Variants in SPRR2G observed in about 807,000 individuals in gnomAD.
SPRR2G encodes small proline rich protein 2G, also known as small proline-rich protein 2G.
Under a neutral mutation model 0.7 loss-of-function variants are expected in SPRR2G, and 1 was observed. That is an observed-to-expected ratio of 1.49 (90% confidence interval 0.53 to 7.06). The LOEUF (loss-of-function observed/expected upper bound fraction) is 7.06. Ranked by LOEUF, SPRR2G falls within the 30% of genes most tolerant of loss-of-function variation. The pLI, the probability that SPRR2G is intolerant of heterozygous loss-of-function variation, is 0.14. For synonymous variants in SPRR2G, 38 were observed against 33.9 expected (o/e 1.12, Z -0.42); for missense variants, 96 against 88.5 (o/e 1.09, Z -0.34).
At chr1:153,154,167 A>G (rs921959158), upstream of SPRR2G, among the ~76,000 whole-genome samples, 6 of 151,826 alleles carry the variant, frequency 4.0e-5, no homozygotes, top group Admixed American at 2.6e-4. Flanking sequence ...TTTAGAAAAG[A>G]AAGAAATTTA....
At chr1:153,196,906 T>G in the SPRR2G span, among the ~76,000 whole-genome samples, 1 of 152,108 alleles carries the variant, frequency 6.6e-6, no homozygotes, top group African/African-American at 2.4e-5. Flanking sequence ...GGTGATGGTG[T>G]CACAGGAGGA....
chr1:153,180,889 T>G, the SPRR2G span, among the ~76,000 whole-genome samples: 1 of 152,202 alleles, frequency 6.6e-6, no homozygotes, highest in Non-Finnish European at 1.5e-5. Flanking sequence ...CTTTATTATA[T>G]GTTTATTGGA....
At chr1:153,164,346 T>C in the SPRR2G span, among the ~76,000 whole-genome samples, 1 of 152,202 alleles carries the variant, frequency 6.6e-6, no homozygotes. Context: ...TGGGTGTACC[T>C]GGAAGTTTTG....
At chr1:153,161,373 T>C in the SPRR2G span, among the ~76,000 whole-genome samples, 1 of 111,298 alleles carries the variant, frequency 9.0e-6, no homozygotes, top group African/African-American at 2.8e-5. Flanking sequence ...TATTTCTTCA[T>C]TGGAGAAATG....
At chr1:153,175,923 G>A in the SPRR2G span, among the ~76,000 whole-genome samples, 1 of 152,068 alleles carries the variant, frequency 6.6e-6, no homozygotes, top group Non-Finnish European at 1.5e-5. Context: ...CAGATGTGGT[G>A]GTGCATGCCT....
the SPRR2G span, among the ~76,000 whole-genome samples, chr1:153,172,493 GC>G: frequency 6.6e-6 from 1 of 151,864 alleles, no homozygotes; most frequent in African/African-American, 2.4e-5. Flanking sequence ...TCCTTTGGCT[GC>G]CCCCACAGAG....
chr1:153,165,896 G>A, the SPRR2G span, among the ~76,000 whole-genome samples: 1 of 152,116 alleles, frequency 6.6e-6, no homozygotes, highest in Non-Finnish European at 1.5e-5. Context: ...AGGCTTCATG[G>A]CCCCACCAAT....
chr1:153,192,837 G>A, the SPRR2G span, among the ~76,000 whole-genome samples: 1 of 152,214 alleles, frequency 6.6e-6, no homozygotes, highest in South Asian at 2.1e-4. Flanking sequence ...TACTGCCTGT[G>A]TAGGTAAGAA....
the SPRR2G span, among the ~76,000 whole-genome samples, chr1:153,185,955 C>A: frequency 2.0e-5 from 3 of 152,122 alleles, no homozygotes; most frequent in African/African-American, 7.2e-5. Flanking sequence ...TTATTTCTGC[C>A]TTAATTTCAT....
chr1:153,199,173 G>A, the SPRR2G span, among the ~76,000 whole-genome samples: 1 of 152,192 alleles, frequency 6.6e-6, no homozygotes, highest in South Asian at 2.1e-4. Flanking sequence ...AACAGTGAAA[G>A]GGGAGGATGT....
Position 153,149,667 on chromosome 1 carries a change from A to G in SPRR2G, c.*222T>C. 1 of 625,284 alleles carries G rather than the reference A, an allele frequency of 1.6e-6. No homozygotes were observed. 38.7% of individuals were successfully genotyped at this position (625,284 alleles called of 1,614,324 possible). A position where few individuals can be genotyped will look rare whatever the true frequency, so the allele number is the denominator to read the frequency against. On this transcript the variant is annotated 3_prime_UTR_variant, in exon 2 of 2. Transcript: ENST00000368748. ...TCTCAGGATAGGAACCACCATCTAC[A>G]TCACAGACAGCAAAGCGAGATTAGG...
chr1:153,199,081 G>T, the SPRR2G span, among the ~76,000 whole-genome samples: 1 of 152,164 alleles, frequency 6.6e-6, no homozygotes, highest in Non-Finnish European at 1.5e-5. Flanking sequence ...TGAGGATTTC[G>T]TAGAACATTC....
chr1:153,201,859 A>G, the SPRR2G span, among the ~76,000 whole-genome samples: 1 of 152,248 alleles, frequency 6.6e-6, no homozygotes, highest in Non-Finnish European at 1.5e-5. Flanking sequence ...CCAAAGCCAT[A>G]TTTCCAATAA....
the SPRR2G span, among the ~76,000 whole-genome samples, chr1:153,201,646 T>G: frequency 6.6e-6 from 1 of 152,250 alleles, no homozygotes; most frequent in Non-Finnish European, 1.5e-5. Context: ...CGCCAATTAT[T>G]CCAGTGATAG....
the SPRR2G span, among the ~76,000 whole-genome samples, chr1:153,193,902 A>C: frequency 6.6e-6 from 1 of 152,212 alleles, no homozygotes; most frequent in African/African-American, 2.4e-5. Flanking sequence ...TGAGGGCTGC[A>C]TGGACACCAG....
At chr1:153,176,352 CA>C in the SPRR2G span, 1 of 152,208 alleles carries the variant, frequency 6.6e-6, no homozygotes, top group South Asian at 2.1e-4. Flanking sequence ...ATCCATTGTC[CA>C]TGTCTGCTTG....
chr1:153,171,272 C>T, the SPRR2G span, among the ~76,000 whole-genome samples: 1 of 152,164 alleles, frequency 6.6e-6, no homozygotes, highest in South Asian at 2.1e-4. Flanking sequence ...ACTTGAAACA[C>T]AGGTGTGTCT....
At chr1:153,152,161 TAGAAGAAATAAGAATAA>T (rs1656484485), upstream of SPRR2G, among the ~76,000 whole-genome samples, 3 of 152,198 alleles carry the variant, frequency 2.0e-5, no homozygotes. Context: ...CTCTAAAATG[TAGAAGAAATAAGAATAA>T]TAACTAATCA....
chr1:153,188,883 C>T, the SPRR2G span, among the ~76,000 whole-genome samples: 7 of 152,202 alleles, frequency 4.6e-5, no homozygotes, highest in African/African-American at 7.2e-5. Flanking sequence ...CAGTCCCTCA[C>T]GGCTTCCTTT....
Sources: allele counts gnomAD v4.1 joint callset (sites outside exome capture counted in the v4.1 genomes callset), GRCh38; gene constraint gnomAD v4.1.1; transcripts MANE v1.5; gene names NCBI Gene and HGNC (gene_info 2026-07-23, HGNC 2026-07-21).